ANKRD30A: variants seen among roughly 807,000 people sequenced by gnomAD.
ANKRD30A encodes the protein ankyrin repeat domain 30A.
In ANKRD30A, 170 loss-of-function variants were observed where a neutral mutation model predicts 166.3. That is an observed-to-expected ratio of 1.02 (90% CI 0.90 to 1.16). The LOEUF is 1.16. Among genes scored for constraint, ANKRD30A ranks in the 50% most tolerant of loss-of-function variants. The pLI, the probability that ANKRD30A is intolerant of heterozygous loss-of-function variation, is 0.00. For synonymous variants in ANKRD30A, 564 were observed against 508.9 expected (o/e 1.11, Z -1.46); for missense variants, 1,630 against 1,518.0 (o/e 1.07, Z -1.23).
At chr10:37,233,947 T>G (rs1489600628), downstream of ANKRD30A, among the ~76,000 whole-genome samples, 1 of 152,210 alleles carries the variant, frequency 6.6e-6, no homozygotes, top group Non-Finnish European at 1.5e-5. Flanking sequence ...AAAATAGCAT[T>G]GATACTGAAT....
At chr10:37,160,953 T>C (rs1838804248) in intron 15 of ANKRD30A, among the ~76,000 whole-genome samples, 2 of 152,108 alleles carry the variant, frequency 1.3e-5, no homozygotes, top group African/African-American at 4.8e-5. Flanking sequence ...TAGTTACACA[T>C]ATTTATTTTA....
the ANKRD30A span, among the ~76,000 whole-genome samples, chr10:37,263,212 G>C: frequency 6.7e-6 from 1 of 149,590 alleles, no homozygotes; most frequent in Non-Finnish European, 1.5e-5. Flanking sequence ...AAAAAAAAAT[G>C]AGTATGAGGT....
intron 15 of ANKRD30A, among the ~76,000 whole-genome samples, chr10:37,162,446 C>G (rs1205429911): frequency 6.6e-6 from 1 of 152,168 alleles, no homozygotes; most frequent in African/African-American, 2.4e-5. Flanking sequence ...ACTGCATGAT[C>G]TGAGAAACCT....
At chr10:37,243,626 T>G in the ANKRD30A span, among the ~76,000 whole-genome samples, 1 of 152,132 alleles carries the variant, frequency 6.6e-6, no homozygotes, top group Middle Eastern at 3.4e-3. Flanking sequence ...GGAACTGAGC[T>G]TAAGTGAAAG....
At chr10:37,139,175 C>G (rs1176879366) in intron 6 of ANKRD30A, among the ~76,000 whole-genome samples, 1 of 152,210 alleles carries the variant, frequency 6.6e-6, no homozygotes, top group East Asian at 1.9e-4. Flanking sequence ...CAAGCAAATG[C>G]TGAGAGATTT....
At chr10:37,158,214 A>G (rs1281351383) in intron 13 of ANKRD30A, among the ~76,000 whole-genome samples, 178 bp from the exon 14 acceptor site, 5 of 152,290 alleles carry the variant, frequency 3.3e-5, no homozygotes, top group South Asian at 2.1e-4. Flanking sequence ...TTTCTTAGGT[A>G]TATTTCTGTC....
At chr10:37,201,187 T>C (rs779594211) in intron 30 of ANKRD30A, 48 bp from the exon 31 acceptor site, 3 of 1,383,530 alleles carry the variant, frequency 2.2e-6, no homozygotes, top group Admixed American at 2.5e-5. Context: ...TAATCTTCAT[T>C]ATTAGGATTT....
At chr10:37,194,710 T>C (rs1840926005) in intron 27 of ANKRD30A, among the ~76,000 whole-genome samples, 3 of 152,158 alleles carry the variant, frequency 2.0e-5, no homozygotes, top group Admixed American at 2.0e-4. Flanking sequence ...CCTTGTTTGC[T>C]TATCGAATAT....
chr10:37,134,584 CAAAGTTAT>C (rs1836565445), intron 5 of ANKRD30A, among the ~76,000 whole-genome samples: 1 of 152,154 alleles, frequency 6.6e-6, no homozygotes, highest in African/African-American at 2.4e-5. Flanking sequence ...ATGTAGATTT[CAAAGTTAT>C]TACAGTTTTT....
At chr10:37,259,093 G>C in the ANKRD30A span, among the ~76,000 whole-genome samples, 3 of 151,824 alleles carry the variant, frequency 2.0e-5, no homozygotes, top group Non-Finnish European at 4.4e-5. Flanking sequence ...TGCTAAGTTG[G>C]ACTACATTAA....
the ANKRD30A span, among the ~76,000 whole-genome samples, chr10:37,239,015 T>A: frequency 6.6e-6 from 1 of 152,136 alleles, no homozygotes; most frequent in African/African-American, 2.4e-5. Flanking sequence ...TCATTGGTAA[T>A]AAAATGTCCA....
At chr10:37,153,052 C>T (rs1182261395) in intron 12 of ANKRD30A, among the ~76,000 whole-genome samples, 4 of 152,100 alleles carry the variant, frequency 2.6e-5, no homozygotes, top group South Asian at 4.1e-4. Flanking sequence ...CCCTGTTTAC[C>T]GAAAGGAAGC....
At chr10:37,153,124 G>A (rs1238432017) in intron 12 of ANKRD30A, among the ~76,000 whole-genome samples, 3 of 152,072 alleles carry the variant, frequency 2.0e-5, no homozygotes, top group Admixed American at 2.0e-4. Flanking sequence ...TTCATGACAT[G>A]CATCATTTTT....
At chr10:37,239,171 A>T in the ANKRD30A span, among the ~76,000 whole-genome samples, 6,298 of 152,230 alleles carry the variant, frequency 0.041, 209 homozygotes, top group South Asian at 0.06. Flanking sequence ...TAAGTAGAAA[A>T]CTATAATTAA....
At chr10:37,153,723 G>T (rs17606172) in intron 13 of ANKRD30A, 61 bp downstream of exon 13, 1 of 1,455,296 alleles carries the variant, frequency 6.9e-7, no homozygotes, top group Non-Finnish European at 9.6e-7. Flanking sequence ...CTGATGAGGA[G>T]GGATATCCTC....
At chr10:37,155,347 A>G (rs1351409592) in intron 13 of ANKRD30A, among the ~76,000 whole-genome samples, 1 of 152,196 alleles carries the variant, frequency 6.6e-6, no homozygotes. Context: ...CTATTATAGC[A>G]TATGGTTATA....
intron 31 of ANKRD30A, among the ~76,000 whole-genome samples, chr10:37,206,893 G>T (rs1384051040): frequency 1.3e-5 from 2 of 151,998 alleles, no homozygotes; most frequent in African/African-American, 4.8e-5. Context: ...TTTATTACTT[G>T]AATACTAAAA....
At chr10:37,236,377 C>T (rs1843675875), downstream of ANKRD30A, among the ~76,000 whole-genome samples, 1 of 152,158 alleles carries the variant, frequency 6.6e-6, no homozygotes, top group African/African-American at 2.4e-5. Context: ...AGCTCTTACA[C>T]ACAGTTGCAG....
chr10:37,217,621 A>G (rs1842669188), intron 32 of ANKRD30A, 74 bp from the exon 33 acceptor site: 1 of 1,242,460 alleles, frequency 8.0e-7, no homozygotes. Context: ...AACCCAATAT[A>G]GGAAGAAATA....
Sources: allele counts gnomAD v4.1 joint callset (sites outside exome capture counted in the v4.1 genomes callset), GRCh38; gene constraint gnomAD v4.1.1; transcripts MANE v1.5; gene names NCBI Gene and HGNC (gene_info 2026-07-23, HGNC 2026-07-21).